SLC22A5: variants seen among roughly 807,000 people sequenced by gnomAD.
SLC22A5 encodes solute carrier family 22 member 5.
Under a neutral mutation model 56.7 loss-of-function variants are expected in SLC22A5, and 44 were observed. That is an observed-to-expected ratio of 0.78 (90% CI 0.61 to 1.00). The LOEUF (loss-of-function observed/expected upper bound fraction) is 1.00. SLC22A5 is among the 50% of genes least tolerant of loss of function. The probability of loss-of-function intolerance (pLI) is 0.00; values close to 1 mark genes in which losing one functional copy is unlikely to be tolerated. For synonymous variants in SLC22A5, 278 were observed against 292.1 expected (o/e 0.95, Z 0.49); for missense variants, 675 against 723.0 (o/e 0.93, Z 0.76).
chr5:132,373,145 A>G (rs1373288099), intron 1 of SLC22A5, among the ~76,000 whole-genome samples: 5 of 152,230 alleles, frequency 3.3e-5, no homozygotes, highest in Admixed American at 3.3e-4. Context: ...TGAATAATTT[A>G]AGAAATCATC....
intron 2 of SLC22A5, chr5:132,379,012 T>G: frequency 5.9e-6 from 1 of 168,110 alleles, no homozygotes; most frequent in Non-Finnish European, 1.3e-5. Context: ...GCCTGTGGTT[T>G]TGGCATTTAC....
chr5:132,384,312 C>G lies in SLC22A5; in HGVS notation c.652+11C>G, dbSNP rs916434461. ...CAGCATTTGTCCTGGGTATGGCCAT[C>G]AGGTTGGAGTTGAGTACTTGATCCT... On this transcript the variant is annotated intron_variant, in intron 3 of 9. Transcript: ENST00000245407. 1.5e-5 allele frequency: 25 copies of G among 1,613,484 alleles called. No homozygotes were observed. The Admixed American group carries it at 2.8e-4, about 18-fold the overall frequency.
chr5:132,380,601 G>C (rs1016398741), intron 2 of SLC22A5: 2 of 152,198 alleles, frequency 1.3e-5, no homozygotes, highest in African/African-American at 2.4e-5. Context: ...GAAGTGGTAA[G>C]AGGTAAAATC....
chr5:132,386,565 C>T (rs1221825956), intron 4 of SLC22A5, among the ~76,000 whole-genome samples: 1 of 152,142 alleles, frequency 6.6e-6, no homozygotes, highest in Admixed American at 6.5e-5. Context: ...TCTGACTAAT[C>T]TGTTGGATAA....
In SLC22A5 at chr5:132,384,144, C is replaced by T. The variant is rs1483610184; in HGVS notation, c.498-3C>T. ...TTATCTGTCACTCTCCTTTTCTTCCCAGGTTTGGCCGGAAGAATGTGCTGT... is the reference window on the plus strand; with the variant it reads ...TTATCTGTCACTCTCCTTTTCTTCCTAGGTTTGGCCGGAAGAATGTGCTGT... On this transcript the variant is annotated splice_polypyrimidine_tract_variant and splice_region_variant and intron_variant, in intron 2 of 9. Coordinates refer to ENST00000245407, the MANE Select transcript of SLC22A5 (RefSeq NM_003060.4). 3.1e-6 allele frequency: 5 copies of T among 1,614,040 alleles called. No homozygotes were observed. The African/African-American group carries it at 6.7e-5, about 22-fold the overall frequency.
chr5:132,390,673 T>C lies in SLC22A5; in HGVS notation c.1053-17T>C, dbSNP rs756031882. 6 of 1,584,860 alleles carry C rather than the reference T, an allele frequency of 3.8e-6. No homozygotes were observed. In the East Asian group the frequency reaches 1.3e-4, roughly 35 times the overall value. On this transcript the variant is annotated splice_polypyrimidine_tract_variant and intron_variant, in intron 6 of 9. Transcript: ENST00000245407. ...GTGGATACTGCTTTTCCAGCTTTCT[T>C]CTGCACTCTGTTTCAGGATGACCAT... is the stretch of plus-strand genomic sequence containing the variant.
At chr5:132,387,563 CAA>C (rs1752576656) in intron 5 of SLC22A5, among the ~76,000 whole-genome samples, 1 of 151,936 alleles carries the variant, frequency 6.6e-6, no homozygotes, top group South Asian at 2.1e-4. Context: ...ATGTAAAGCA[CAA>C]ATAGATTTGG....
chr5:132,378,246 A>C (rs1334435566), intron 1 of SLC22A5, 132 bp from the exon 2 acceptor site: 2 of 1,613,918 alleles, frequency 1.2e-6, no homozygotes, highest in African/African-American at 2.7e-5. Flanking sequence ...GTGAGCCATC[A>C]CCTGACTAAG....
chr5:132,378,354 AC>A, intron 1 of SLC22A5, 23 bp from the exon 2 acceptor site: 4 of 1,612,058 alleles, frequency 2.5e-6, no homozygotes, highest in Non-Finnish European at 3.4e-6. Flanking sequence ...AGTGAATGAT[AC>A]ACCCCCTTTG....
chr5:132,392,309 C>A, intron 7 of SLC22A5, 124 bp from the exon 8 acceptor site: 1 of 853,778 alleles, frequency 1.2e-6, no homozygotes. Flanking sequence ...CCTTCCCCCA[C>A]AATAGGAAGT....
Position 132,384,168 on chromosome 5 carries a change from G to A in SLC22A5, c.519G>A (p.Leu173=). The change falls in exon 3 of 10, where the codon CTG becomes CTA. Residue 173 remains leucine, a synonymous_variant. Transcript: ENST00000245407. ...LSDRFGRKNV[L]FVTMGMQTGF... ...CCAGGTTTGGCCGGAAGAATGTGCTGTTCGTGACCATGGGCATGCAGACAG... is the reference window on the plus strand; with the variant it reads ...CCAGGTTTGGCCGGAAGAATGTGCTATTCGTGACCATGGGCATGCAGACAG... The A allele has an allele frequency of 6.2e-7, 1 of 1,614,246 alleles. No individual in the cohort carries two copies. The highest frequency in any genetic ancestry group is 8.5e-7 in the Non-Finnish European group (1 of 1,180,048).
Position 132,392,428 on chromosome 5 carries a change from T to TAC in SLC22A5, c.1268-5_1268-4insAC. Reference sequence around the variant, plus strand: ...ACTCCTACCCTCTTTCCTTTGCTTCTCCAGACTTGTATTATTTGGCTACAG... The same window carrying TAC: ...ACTCCTACCCTCTTTCCTTTGCTTCTACCCAGACTTGTATTATTTGGCTACAG... On this transcript the variant is annotated splice_region_variant and splice_polypyrimidine_tract_variant and intron_variant, in intron 7 of 9. Coordinates refer to ENST00000245407, the MANE Select transcript of SLC22A5 (RefSeq NM_003060.4). The TAC allele has an allele frequency of 1.9e-6, 3 of 1,614,094 alleles. No individual in the cohort carries two copies. The highest frequency in any genetic ancestry group is 2.5e-6 in the Non-Finnish European group (3 of 1,179,910).
chr5:132,386,237 C>CT (rs949737396), intron 4 of SLC22A5, among the ~76,000 whole-genome samples: 123 of 139,416 alleles, frequency 8.8e-4, no homozygotes, highest in Middle Eastern at 3.4e-3. Context: ...CTTTTTTTTT[C>CT]TTTTTTTTTT....
At chr5:132,387,211 C>T in intron 5 of SLC22A5, 60 bp downstream of exon 5, 1 of 1,605,430 alleles carries the variant, frequency 6.2e-7, no homozygotes, top group Non-Finnish European at 8.5e-7. Flanking sequence ...AGAGCAGCAG[C>T]ACCCAGCCCT....
chr5:132,386,024 A>G (rs925951312), intron 4 of SLC22A5, among the ~76,000 whole-genome samples: 13 of 152,230 alleles, frequency 8.5e-5, no homozygotes, highest in African/African-American at 3.1e-4. Flanking sequence ...CAGGTGGAGA[A>G]GGTGAGATCA....
chr5:132,382,816 A>G (rs915426602), intron 2 of SLC22A5: 1 of 152,202 alleles, frequency 6.6e-6, no homozygotes. Flanking sequence ...GGGCAGAAAC[A>G]GCATCTTTTT....
At chr5:132,393,284 G>A (rs1752770396) in intron 8 of SLC22A5, among the ~76,000 whole-genome samples, 1 of 152,170 alleles carries the variant, frequency 6.6e-6, no homozygotes, top group Non-Finnish European at 1.5e-5. Context: ...AGATCACATG[G>A]GCTGGGACAC....
chr5:132,391,900 G>C (rs936855311), intron 7 of SLC22A5, among the ~76,000 whole-genome samples: 4 of 152,204 alleles, frequency 2.6e-5, no homozygotes, highest in African/African-American at 9.6e-5. Context: ...CAGAACTGAT[G>C]TAGAGGCTCA....
At chr5:132,383,617 T>G (rs1752422593) in intron 2 of SLC22A5, 1 of 183,268 alleles carries the variant, frequency 5.5e-6, no homozygotes, top group Non-Finnish European at 1.2e-5. Flanking sequence ...GATCTATTAA[T>G]CCATTGGGGG....
Sources: gnomAD v4.1 joint callset for allele counts (sites outside exome capture counted in the v4.1 genomes callset) on GRCh38, gnomAD v4.1.1 for gene constraint, MANE v1.5 for transcripts, NCBI Gene and HGNC (gene_info 2026-07-23, HGNC 2026-07-21) for gene names.